Variants in OPHN1 observed in about 807,000 individuals in gnomAD.
OPHN1 encodes oligophrenin 1.
A neutral mutation model predicts 60.7 loss-of-function variants in OPHN1; 11 were observed. That is an observed-to-expected ratio of 0.18 (90% CI 0.11 to 0.30). The LOEUF (loss-of-function observed/expected upper bound fraction) is 0.30. OPHN1 is among the 10% of genes least tolerant of loss of function. The pLI, the probability that OPHN1 is intolerant of heterozygous loss-of-function variation, is 1.00. For missense variants in OPHN1, 449 were observed against 611.0 expected (o/e 0.73, Z 2.80); for synonymous variants, 226 against 222.6 (o/e 1.02, Z -0.14).
chrX:68,212,342 T>G, intron 7 of OPHN1, 130 bp from the exon 8 acceptor site: 1 of 493,132 alleles, frequency 2.0e-6, no homozygotes, highest in East Asian at 3.9e-5. Flanking sequence ...ATCCCTGCAC[T>G]TTGGGAGGCC....
At chrX:68,307,866 T>G (rs2078153567) in intron 2 of OPHN1, among the ~76,000 whole-genome samples, 1 of 111,961 alleles carries the variant, frequency 8.9e-6, no homozygotes, top group Non-Finnish European at 1.9e-5. Context: ...ACTCTAATTC[T>G]AAAGCAGATT....
intron 11 of OPHN1, among the ~76,000 whole-genome samples, chrX:68,199,053 C>T (rs1439556908): frequency 8.9e-6 from 1 of 112,181 alleles, no homozygotes; most frequent in African/African-American, 3.2e-5. Flanking sequence ...GGAAATTATA[C>T]GCTTAAATGG....
intron 15 of OPHN1, among the ~76,000 whole-genome samples, chrX:68,192,092 TA>T (rs1030645530): frequency 5.5e-5 from 6 of 108,406 alleles, no homozygotes; most frequent in African/African-American, 1.0e-4. Flanking sequence ...AAAAACATAT[TA>T]AAAAAAAAGA....
rs985606841 is a variant in OPHN1, at chrX:68,201,531, C to T, written c.1025+88G>A. 31 of 715,047 alleles carry T rather than the reference C, an allele frequency of 4.3e-5. No individual in the cohort carries two copies. In the South Asian group the frequency reaches 6.0e-4, roughly 14 times the overall value. 58.9% of individuals were successfully genotyped at this position (715,047 alleles called of 1,213,427 possible). The stretch of plus-strand genomic sequence containing the variant: ...GAATAGACTTACTCATTGTCATCAA[C>T]GTGGGATGACGGAGGAAAATAAAAG... On this transcript the variant is annotated intron_variant, in intron 11 of 24. Transcript: ENST00000355520.
intron 17 of OPHN1, 137 bp from the exon 18 acceptor site, chrX:68,112,096 GAT>G: frequency 2.6e-6 from 1 of 380,704 alleles, no homozygotes. Context: ...CACAGAGAGA[GAT>G]TCGGAGAAAG....
At chrX:68,213,328 C>A (rs1437271818) in intron 7 of OPHN1, among the ~76,000 whole-genome samples, 1 of 111,627 alleles carries the variant, frequency 9.0e-6, no homozygotes, top group Non-Finnish European at 1.9e-5. Context: ...CACCACTGCA[C>A]TCCAGTTTGG....
intron 15 of OPHN1, among the ~76,000 whole-genome samples, chrX:68,169,207 G>A (rs2077376082): frequency 9.0e-6 from 1 of 111,029 alleles, no homozygotes; most frequent in African/African-American, 3.3e-5. Context: ...AAAATACCTA[G>A]GAATCCAACT....
At position 68,042,771 on chromosome X, in the gene OPHN1, T is replaced by A. The variant is rs1284779452; in HGVS notation, c.*4401A>T. 1 of 78,458 alleles carries A rather than the reference T, an allele frequency of 1.3e-5. No individual in the cohort carries two copies. The highest frequency in any genetic ancestry group is 4.2e-4 in the East Asian group (1 of 2,369). The allele number at this position is 78,458 out of a possible 1,213,427, so 6.5% of individuals were successfully genotyped here. On this transcript the variant is annotated 3_prime_UTR_variant, in exon 25 of 25. Coordinates refer to ENST00000355520, the MANE Select transcript of OPHN1 (RefSeq NM_002547.3). ...AATAGGAACACTTTTACACTGTTGG[T>A]TGGACTGTAAACTAGTTCAACCATT...
chrX:68,212,685 C>T (rs1602238944), intron 7 of OPHN1, among the ~76,000 whole-genome samples: 1 of 112,603 alleles, frequency 8.9e-6, no homozygotes, highest in Non-Finnish European at 1.9e-5. Flanking sequence ...CTACACATCA[C>T]TGTTTTCATA....
At chrX:68,407,546 G>A (rs761139562) in intron 2 of OPHN1, among the ~76,000 whole-genome samples, 15 of 111,638 alleles carry the variant, frequency 1.3e-4, no homozygotes, top group Non-Finnish European at 2.6e-4. Context: ...TGTAAAATGC[G>A]GGCATCGATA....
At chrX:68,292,700 C>T (rs2078076236) in intron 3 of OPHN1, among the ~76,000 whole-genome samples, 2 of 111,498 alleles carry the variant, frequency 1.8e-5, no homozygotes. Context: ...CAATTATCAC[C>T]TTCTCATATG....
At chrX:68,250,402 T>C (rs964343401) in intron 5 of OPHN1, among the ~76,000 whole-genome samples, 1 of 111,750 alleles carries the variant, frequency 8.9e-6, no homozygotes, top group Admixed American at 9.5e-5. Context: ...ATTGTTCACA[T>C]TTTAGAGTTG....
chrX:68,419,538 A>T (rs1463443025), intron 2 of OPHN1, among the ~76,000 whole-genome samples: 1 of 84,915 alleles, frequency 1.2e-5, no homozygotes, highest in Non-Finnish European at 2.2e-5. Flanking sequence ...CTCCTTAACA[A>T]TTTTTTTTTT....
chrX:68,263,636 T>C (rs926819421), intron 5 of OPHN1, among the ~76,000 whole-genome samples: 1 of 111,734 alleles, frequency 8.9e-6, no homozygotes, highest in Non-Finnish European at 1.9e-5. Context: ...ACTATCTGTA[T>C]ATGAATTTTC....
chrX:68,170,227 A>G (rs1300599537), intron 15 of OPHN1, among the ~76,000 whole-genome samples: 5 of 105,762 alleles, frequency 4.7e-5, no homozygotes, highest in South Asian at 4.4e-4. Flanking sequence ...CAAAACCACA[A>G]TGAGATACCA....
intron 2 of OPHN1, among the ~76,000 whole-genome samples, chrX:68,329,416 T>C (rs1376329854): frequency 8.9e-6 from 1 of 112,197 alleles, no homozygotes; most frequent in Non-Finnish European, 1.9e-5. Flanking sequence ...TGGGAAATAA[T>C]GAAATATTAG....
At chrX:68,064,226 C>A in intron 20 of OPHN1, 49 bp from the exon 21 acceptor site, 1 of 1,143,909 alleles carries the variant, frequency 8.7e-7, no homozygotes, top group Non-Finnish European at 1.2e-6. Context: ...ACTTTTAAAA[C>A]CTTTTCATTT....
chrX:68,206,479 G>T, intron 10 of OPHN1, 94 bp downstream of exon 10: 1 of 671,529 alleles, frequency 1.5e-6, no homozygotes, highest in South Asian at 2.3e-5. Context: ...TAACAGTGAT[G>T]AACTTGATGA....
At chrX:68,401,677 G>T (rs901491210) in intron 2 of OPHN1, among the ~76,000 whole-genome samples, 1 of 111,677 alleles carries the variant, frequency 9.0e-6, no homozygotes. Flanking sequence ...AATCATATTC[G>T]GTTGGGGAGA....
Sources: allele counts gnomAD v4.1 joint callset (sites outside exome capture counted in the v4.1 genomes callset), GRCh38; gene constraint gnomAD v4.1.1; transcripts MANE v1.5; gene names NCBI Gene and HGNC (gene_info 2026-07-23, HGNC 2026-07-21).